The following WBP2 variants were observed in gnomAD, a reference collection of about 807,000 sequenced individuals.
The protein encoded by WBP2 is WW domain binding protein 2, also known as WW domain-binding protein 2.
In WBP2, 23 loss-of-function variants were observed where a neutral mutation model predicts 33.0. The observed-to-expected ratio is 0.70, with a 90% confidence interval of 0.50 to 0.99. The LOEUF (loss-of-function observed/expected upper bound fraction) is 0.99. WBP2 is among the 50% of genes least tolerant of loss of function. WBP2 has a pLI of 0.00. For synonymous variants in WBP2, 153 were observed against 133.5 expected (o/e 1.15, Z -1.01); for missense variants, 353 against 358.0 (o/e 0.99, Z 0.11).
At chr17:75,851,745 C>A in intron 1 of WBP2, 69 bp from the exon 2 acceptor site, 1 of 1,197,076 alleles carries the variant, frequency 8.4e-7, no homozygotes, top group Non-Finnish European at 1.2e-6. Flanking sequence ...AGACACTGGG[C>A]CTTTCTCCCA....
chr17:75,849,380 G>A, intron 3 of WBP2: 1 of 550,122 alleles, frequency 1.8e-6, no homozygotes, highest in Non-Finnish European at 3.2e-6. Flanking sequence ...GCAGGCTTCT[G>A]CAGACTTCAC....
In WBP2 at chr17:75,846,833, A is replaced by G. The variant is rs2064995336; in HGVS notation, c.733-46T>C. 3 of 1,607,662 alleles carry G rather than the reference A, an allele frequency of 1.9e-6. No individual in the cohort carries two copies. The highest frequency in any genetic ancestry group is 2.5e-6 in the Non-Finnish European group (3 of 1,176,730). ...AGACTTGCATTAGAAGGTTTAAAAC[A>G]TGGTGCGGTCATCCCCCTGCGGCTC... On this transcript the variant is annotated intron_variant, in intron 7 of 7. Coordinates refer to ENST00000254806, the MANE Select transcript of WBP2 (RefSeq NM_012478.4). This position sits in a 1 kb window ranked among gnomAD's most constrained non-coding sequence, Gnocchi z 4.8.
chr17:75,849,822 G>A lies in WBP2; in HGVS notation c.169-83C>T, dbSNP rs76614072. 3,870 of 1,542,230 alleles carry A rather than the reference G, an allele frequency of 2.5e-3. 95 individuals are homozygous for A. In the African/African-American group the frequency reaches 0.048, roughly 19 times the overall value. Reference sequence around the variant, plus strand: ...TTCCCGCCTGCTTCCTGGGAGTGACGAATCCTCTCCCAGTGCCAGGGTCCA... The same window carrying A: ...TTCCCGCCTGCTTCCTGGGAGTGACAAATCCTCTCCCAGTGCCAGGGTCCA... On this transcript the variant is annotated intron_variant, in intron 2 of 7. Coordinates refer to ENST00000254806, the MANE Select transcript of WBP2 (RefSeq NM_012478.4).
chr17:75,855,341 T>TGCGCCCCTCTTCGCC (rs749265912), upstream of WBP2: 95 of 1,605,690 alleles, frequency 5.9e-5, no homozygotes, highest in Non-Finnish European at 7.9e-5. Context: ...GCAATGAGCT[T>TGCGCCCCTCTTCGCC]GCGCCCCTCT....
intron 5 of WBP2, 46 bp downstream of exon 5, chr17:75,847,750 T>G: frequency 3.9e-6 from 6 of 1,534,358 alleles, no homozygotes; most frequent in Non-Finnish European, 5.3e-6. Context: ...GGAGCCTGGG[T>G]AGGTGGGCTC....
chr17:75,847,190 CTT>C, intron 6 of WBP2: 1 of 683,952 alleles, frequency 1.5e-6, no homozygotes, highest in South Asian at 1.8e-5. Flanking sequence ...TCATCTAATC[CTT>C]GAGCCAATGC....
At chr17:75,855,204 T>C in intron 1 of WBP2, 35 bp downstream of exon 1, 1 of 1,030,402 alleles carries the variant, frequency 9.7e-7, no homozygotes, top group Non-Finnish European at 1.3e-6. Context: ...ACACCCGAAC[T>C]TTGGTCCTCC....
chr17:75,855,321 G>A lies in WBP2; in HGVS notation c.-24C>T, dbSNP rs748668649. 13 of 1,610,828 alleles carry A rather than the reference G, an allele frequency of 8.1e-6. No individual in the cohort carries two copies. Among genetic ancestry groups the A allele is most frequent in the Non-Finnish European group, 1.1e-5 (13 of 1,179,802 alleles). ...ATAGTCTCTCCAACAGGGGTCCCGA[G>A]ACTCAAAACGCAATGAGCTTGCGCC... On this transcript the variant is annotated 5_prime_UTR_variant, in exon 1 of 8. Coordinates refer to ENST00000254806, the MANE Select transcript of WBP2 (RefSeq NM_012478.4).
Position 75,847,522 on chromosome 17 carries a change from G to C in WBP2, c.620C>G (p.Pro207Arg). ...PPPYPGPMEP[P>R]VSGPDVPSTP... is the part of the protein sequence containing the mutation. ...GGAGGGGACATCGGGGCCGCTGACC[G>C]GAGGTTCCATGGGCCCAGGGTAGGG... The change falls in exon 6 of 8, where the codon CCG becomes CGG. Residue 207 changes from proline (P) to arginine (R), a missense_variant. Pro to Arg is a moderately radical substitution (Grantham distance 103, BLOSUM62 -2). Coordinates refer to ENST00000254806, the MANE Select transcript of WBP2 (RefSeq NM_012478.4). 6.3e-7 allele frequency: 1 copy of C among 1,592,860 alleles called. No individual in the cohort carries two copies. The highest frequency in any genetic ancestry group is 8.6e-7 in the Non-Finnish European group (1 of 1,169,208).
At chr17:75,848,715 C>T in intron 3 of WBP2, 53 bp from the exon 4 acceptor site, 1 of 1,494,796 alleles carries the variant, frequency 6.7e-7, no homozygotes, top group Non-Finnish European at 9.2e-7. Context: ...AACTTATGCC[C>T]AAAGAGATGG....
chr17:75,847,322 A>G, intron 6 of WBP2, 165 bp downstream of exon 6: 2 of 1,170,276 alleles, frequency 1.7e-6, no homozygotes, highest in Non-Finnish European at 2.4e-6. Context: ...GCCAGAATCT[A>G]GCTCCGCTCC....
chr17:75,855,318 C>A lies in WBP2; in HGVS notation c.-21G>T. ...GCCATAGTCTCTCCAACAGGGGTCC[C>A]GAGACTCAAAACGCAATGAGCTTGC... On this transcript the variant is annotated 5_prime_UTR_variant, in exon 1 of 8. Transcript: ENST00000254806. 6.2e-7 allele frequency: 1 copy of A among 1,611,310 alleles called. No homozygotes were observed. Among genetic ancestry groups the A allele is most frequent in the South Asian group, 1.1e-5 (1 of 91,052 alleles).
At position 75,849,692 on chromosome 17, in the gene WBP2, C is replaced by T; in HGVS notation, c.216G>A (p.Met72Ile). 6.2e-7 allele frequency: 1 copy of T among 1,614,182 alleles called. No homozygotes were observed. The highest frequency in any genetic ancestry group is 1.1e-5 in the South Asian group (1 of 91,086). Residue 72 changes from methionine to isoleucine, a missense_variant, in exon 3 of 8, where the codon ATG (methionine) becomes ATA (isoleucine). Coordinates refer to ENST00000254806, the MANE Select transcript of WBP2 (RefSeq NM_012478.4). The stretch of plus-strand genomic sequence containing the variant: ...CACAGTCTTTCATGAGATAAAATGG[C>T]ATCATGAAGGACTGCATGGCATCCT... ...KGKDAMQSFM[M>I]PFYLMKDCEI...
Position 75,845,991 on chromosome 17 carries a change from A to C in WBP2, c.*743T>G, listed in dbSNP as rs758886234. On this transcript the variant is annotated 3_prime_UTR_variant, in exon 8 of 8. Transcript: ENST00000254806. The stretch of plus-strand genomic sequence containing the variant: ...TCCCGGCCCCACCCAGCAGCCACCA[A>C]GTGGACAGACATGCATTCTCTGGTT... The C allele has an allele frequency of 6.6e-6, 1 of 152,394 alleles. No homozygotes were observed. The highest frequency in any genetic ancestry group is 1.5e-5 in the Non-Finnish European group (1 of 68,160). The allele number at this position is 152,394 out of a possible 1,614,324, so 9.4% of individuals were successfully genotyped here. A position where few individuals can be genotyped will look rare whatever the true frequency, so the allele number is the denominator to read the frequency against.
chr17:75,847,431 A>G, intron 6 of WBP2, 56 bp downstream of exon 6: 1 of 1,563,850 alleles, frequency 6.4e-7, no homozygotes, highest in Non-Finnish European at 8.7e-7. Flanking sequence ...TCTCTGTGCG[A>G]CATCGGGGAG....
chr17:75,847,034 A>G (rs1468751042), intron 6 of WBP2, 50 bp from the exon 7 acceptor site: 2 of 1,608,958 alleles, frequency 1.2e-6, no homozygotes, highest in Non-Finnish European at 1.7e-6. Context: ...CCTCCCCCTG[A>G]GCTCAGCTAA....
At chr17:75,849,981 A>T (rs2143924372) in intron 2 of WBP2, among the ~76,000 whole-genome samples, 1 of 152,314 alleles carries the variant, frequency 6.6e-6, no homozygotes, top group South Asian at 2.1e-4. Context: ...AGTATCTATG[A>T]GCAGGGCAGA....
At chr17:75,849,812 T>C in intron 2 of WBP2, 73 bp from the exon 3 acceptor site, 1 of 1,575,058 alleles carries the variant, frequency 6.3e-7, no homozygotes, top group Middle Eastern at 2.2e-4. Flanking sequence ...GCCTGCTTCC[T>C]GGGAGTGACG....
In WBP2 at chr17:75,851,578, G is replaced by A. The variant is rs759951858; in HGVS notation, c.158C>T (p.Thr53Ile). ...KGTKKGTVYL[T>I]PYRVIFLSKG... ...TGCTGTGCAACTCACCCGGTAAGGG[G>A]TAAGGTAGACAGTGCCTTTCTTGGT... Residue 53 changes from threonine to isoleucine, a missense_variant, in exon 2 of 8, where the codon ACC becomes ATC. By Grantham distance (89) the Thr-to-Ile change is moderately conservative. Transcript: ENST00000254806. 9 of 1,613,080 alleles carry A rather than the reference G, an allele frequency of 5.6e-6. No homozygotes were observed. The highest frequency in any genetic ancestry group is 6.8e-6 in the Non-Finnish European group (8 of 1,179,158).
Sources: gnomAD v4.1 joint callset for allele counts (sites outside exome capture counted in the v4.1 genomes callset) on GRCh38, gnomAD v4.1.1 for gene constraint, Gnocchi (gnomAD v3.1) non-coding constraint, MANE v1.5 for transcripts, NCBI Gene and HGNC (gene_info 2026-07-23, HGNC 2026-07-21) for gene names.